The following SNX27 variants were observed in gnomAD, a reference collection of about 807,000 sequenced individuals.
The protein encoded by SNX27 is sorting nexin-27.
In SNX27, 22 loss-of-function variants were observed where a neutral mutation model predicts 71.6. The ratio of observed to expected loss-of-function variants is 0.31; its 90% CI spans 0.22 to 0.44. SNX27 has a LOEUF of 0.44. Among genes scored for constraint, SNX27 ranks in the 20% least tolerant of loss-of-function variants. The pLI, the probability that SNX27 is intolerant of heterozygous loss-of-function variation, is 1.00. For missense variants in SNX27, 531 were observed against 698.6 expected (o/e 0.76, Z 2.70); for synonymous variants, 269 against 277.2 (o/e 0.97, Z 0.29).
Position 151,692,948 on chromosome 1 carries a change from G to A in SNX27, c.1427G>A (p.Arg476Gln), listed in dbSNP as rs200106732. The change falls in exon 10 of 12, where the codon CGA becomes CAA. Residue 476 changes from arginine to glutamine, a missense_variant. By Grantham distance (43) the Arg-to-Gln change is conservative. Coordinates refer to ENST00000458013, the MANE Select transcript of SNX27 (RefSeq NM_001330723.2). ...GCATTTGAATGGGATGAGATGCAGC[G>A]ATGGGACACAGATGAAGAAGGGATG... ...VIAFEWDEMQRWDTDEEGMAF... is the reference protein window; with the variant it reads ...VIAFEWDEMQQWDTDEEGMAF... 4.3e-6 allele frequency: 7 copies of A among 1,614,190 alleles called. No homozygotes were observed. Among genetic ancestry groups the A allele is most frequent in the South Asian group, 1.1e-5 (1 of 91,090 alleles).
chr1:151,641,790 G>A lies in SNX27; in HGVS notation c.543+2671G>A, dbSNP rs189117620. Among the ~76,000 whole-genome samples, 117 of 137,010 alleles carry A rather than the reference G, an allele frequency of 8.5e-4. 3 individuals are homozygous for A. The highest frequency in any genetic ancestry group is 4.0e-3 in the Middle Eastern group (1 of 250). The allele number at this position is 137,010 out of a possible 152,430, so 89.9% of individuals were successfully genotyped here. ...TGCTATATATATCTGATATATATGA[G>A]ATATATAAGATATAGATATATATGA... On this transcript the variant is annotated intron_variant, in intron 2 of 11. Transcript: ENST00000458013.
intron 2 of SNX27, among the ~76,000 whole-genome samples, chr1:151,652,972 A>G (rs1478107319): frequency 6.8e-6 from 1 of 146,888 alleles, no homozygotes; most frequent in African/African-American, 2.5e-5. Flanking sequence ...TTGTTGCCCA[A>G]GCTGGAGTAC....
chr1:151,692,308 TTGGG>T, intron 8 of SNX27, 123 bp from the exon 9 acceptor site: 3 of 1,237,230 alleles, frequency 2.4e-6, no homozygotes, highest in Non-Finnish European at 3.2e-6. Context: ...CTTCAGGTTG[TTGGG>T]TGAGAATACT....
chr1:151,629,608 G>T (rs1668122287), intron 1 of SNX27, among the ~76,000 whole-genome samples: 1 of 144,916 alleles, frequency 6.9e-6, no homozygotes, highest in Non-Finnish European at 1.5e-5. Context: ...TTTTGAGACA[G>T]AGTCTCACTC....
rs1213324230 is a variant in SNX27 at position 151,616,993 on chromosome 1, C to T, written c.311+4481C>T. 4.6e-5 allele frequency among the ~76,000 whole-genome samples: 7 copies of T among 152,080 alleles called. 1 individual carries two copies. On this transcript the variant is annotated intron_variant, in intron 1 of 11. Transcript: ENST00000458013. ...TGCAGTAGGTTGTAGGCCTTGGATT[C>T]TCAGTTCATTTTATCTTCATGATTA...
chr1:151,691,466 G>A (rs1304754113), intron 8 of SNX27, among the ~76,000 whole-genome samples: 1 of 132,624 alleles, frequency 7.5e-6, no homozygotes, highest in Admixed American at 7.7e-5. Context: ...TGTTTTTCTG[G>A]TTTTTTTTTT....
rs1009193539 is a variant in SNX27, at chr1:151,612,254, G to C, written c.53G>C (p.Gly18Ala). ...CATCCCTCAGCCCCTCACAGGAACGGAGGTGGCGGCGGCGGCGGGGGGTCT... is the reference window on the plus strand; with the variant it reads ...CATCCCTCAGCCCCTCACAGGAACGCAGGTGGCGGCGGCGGCGGGGGGTCT... Reference protein sequence around the residue: ...GIHPSAPHRNGGGGGGGGSGL... With the variant: ...GIHPSAPHRNAGGGGGGGSGL... Residue 18 changes from glycine (G) to alanine (A), a missense_variant, in exon 1 of 12, where the codon GGA becomes GCA. Around this residue, in one of 5 missense-constraint regions of SNX27, gnomAD observed 130 missense variants for 143.5 expected, o/e 0.91. Coordinates refer to ENST00000458013, the MANE Select transcript of SNX27 (RefSeq NM_001330723.2). The surrounding 1 kb of genome is among the most constrained non-coding windows in gnomAD (Gnocchi z 5.2). 7 of 1,444,868 alleles carry C rather than the reference G, an allele frequency of 4.8e-6. No individual in the cohort carries two copies. Among genetic ancestry groups the C allele is most frequent in the African/African-American group, 1.5e-5 (1 of 67,558 alleles). 89.5% of individuals were successfully genotyped at this position (1,444,868 alleles called of 1,614,324 possible). A position where few individuals can be genotyped will look rare whatever the true frequency, so the allele number is the denominator to read the frequency against.
At position 151,697,770 on chromosome 1, in the gene SNX27, C is replaced by T. The variant is rs1420876875; in HGVS notation, c.*3353C>T. ...GCTTCTGCCCAGGGAGGCTTCTACC[C>T]AGACTTCTTTTGCAATTTGTCCCTG... On this transcript the variant is annotated 3_prime_UTR_variant, in exon 12 of 12. Transcript: ENST00000458013. The T allele has an allele frequency of 6.5e-6, 1 of 152,700 alleles. No individual in the cohort carries two copies. Among genetic ancestry groups the T allele is most frequent in the Non-Finnish European group, 1.5e-5 (1 of 68,102 alleles). 9.5% of individuals were successfully genotyped at this position (152,700 alleles called of 1,614,324 possible).
chr1:151,660,679 C>A, intron 3 of SNX27, 119 bp from the exon 4 acceptor site: 1 of 720,486 alleles, frequency 1.4e-6, no homozygotes. Flanking sequence ...CTCATTATTG[C>A]CTGCTACTGA....
chr1:151,659,464 C>T (rs1484990705), intron 3 of SNX27: 1 of 152,420 alleles, frequency 6.6e-6, no homozygotes, highest in Non-Finnish European at 1.5e-5. Context: ...CCAAGCTGGT[C>T]TCGAACTCCT....
intron 1 of SNX27, among the ~76,000 whole-genome samples, chr1:151,625,395 A>C (rs1334028934): frequency 2.6e-5 from 4 of 151,696 alleles, no homozygotes; most frequent in African/African-American, 9.7e-5. Flanking sequence ...AATCCTAACT[A>C]CTGGGGAGGC....
rs1276522206 is a variant in SNX27, at chr1:151,694,529, A to G, written c.*112A>G. 7.9e-6 allele frequency: 9 copies of G among 1,133,000 alleles called. No homozygotes were observed. In the Admixed American group the frequency reaches 1.1e-4, roughly 14 times the overall value. 70.2% of individuals were successfully genotyped at this position (1,133,000 alleles called of 1,614,324 possible). A position where few individuals can be genotyped will look rare whatever the true frequency, so the allele number is the denominator to read the frequency against. On this transcript the variant is annotated 3_prime_UTR_variant, in exon 12 of 12. Transcript: ENST00000458013. ...AAGAAGAGAAAAAGTTAAAGTCGTTATATTCAAAAGCCCTAAACTAAATAT... is the reference window on the plus strand; with the variant it reads ...AAGAAGAGAAAAAGTTAAAGTCGTTGTATTCAAAAGCCCTAAACTAAATAT...
chr1:151,653,803 G>C (rs1283888187), intron 2 of SNX27, among the ~76,000 whole-genome samples: 1 of 151,224 alleles, frequency 6.6e-6, no homozygotes. Flanking sequence ...TTATAGACAA[G>C]AGCCACTGTG....
intron 6 of SNX27, chr1:151,667,250 A>AAAAAAAAC (rs112484021): frequency 0.021 from 3,250 of 153,694 alleles, 260 homozygotes; most frequent in African/African-American, 0.076. Context: ...CCTGTCTCAA[A>AAAAAAAAC]AAAAAAAAAG....
intron 1 of SNX27, chr1:151,614,320 C>A: frequency 6.6e-6 from 1 of 152,218 alleles, no homozygotes; most frequent in Non-Finnish European, 1.5e-5. Flanking sequence ...TATTGTCTGA[C>A]AATATATTCT....
chr1:151,655,585 G>A (rs1258996073), intron 2 of SNX27, among the ~76,000 whole-genome samples: 1 of 152,152 alleles, frequency 6.6e-6, no homozygotes, highest in East Asian at 1.9e-4. Context: ...CTGCAGTTTA[G>A]GAGTTACCTC....
chr1:151,652,747 G>T (rs1669475432), intron 2 of SNX27, among the ~76,000 whole-genome samples: 1 of 151,758 alleles, frequency 6.6e-6, no homozygotes, highest in African/African-American at 2.4e-5. Flanking sequence ...TTTGTTATTT[G>T]CTTGTAATTT....
rs189604143 is a variant in SNX27, at chr1:151,694,615, C to A, written c.*198C>A. 2 of 503,936 alleles carry A rather than the reference C, an allele frequency of 4.0e-6. No homozygotes were observed. The highest frequency in any genetic ancestry group is 2.0e-5 in the African/African-American group (1 of 50,494). 31.2% of individuals were successfully genotyped at this position (503,936 alleles called of 1,614,324 possible). ...ATTGAGGTGGTAGTGAACAGCAGAT[C>A]GGTCAGCACCAGAAGTCAACTGAGT... On this transcript the variant is annotated 3_prime_UTR_variant, in exon 12 of 12. Coordinates refer to ENST00000458013, the MANE Select transcript of SNX27 (RefSeq NM_001330723.2).
chr1:151,690,108 C>A (rs1306544262), intron 8 of SNX27, among the ~76,000 whole-genome samples: 1 of 152,212 alleles, frequency 6.6e-6, no homozygotes, highest in African/African-American at 2.4e-5. Context: ...CTTGGCCTCC[C>A]AAAGTGCTGG....
Sources: allele counts gnomAD v4.1 joint callset (sites outside exome capture counted in the v4.1 genomes callset), GRCh38; gene constraint gnomAD v4.1.1; regional missense constraint gnomAD v4.1.1; non-coding constraint Gnocchi (gnomAD v3.1); transcripts MANE v1.5; gene names NCBI Gene and HGNC (gene_info 2026-07-23, HGNC 2026-07-21).